Variants in SLC6A19 observed in about 807,000 individuals in gnomAD.
SLC6A19 encodes the protein solute carrier family 6 member 19.
A neutral mutation model predicts 68.3 loss-of-function variants in SLC6A19; 67 were observed. The observed-to-expected ratio is 0.98, with a 90% CI of 0.81 to 1.20. The LOEUF (loss-of-function observed/expected upper bound fraction) is 1.20. SLC6A19 is among the 50% of genes most tolerant of loss of function. The pLI, the probability that SLC6A19 is intolerant of heterozygous loss-of-function variation, is 0.00. For synonymous variants in SLC6A19, 392 were observed against 374.9 expected (o/e 1.05, Z -0.53); for missense variants, 813 against 851.6 (o/e 0.95, Z 0.56).
chr5:1,222,383 A>C lies in SLC6A19; in HGVS notation c.*479A>C. 2.2e-6 allele frequency: 1 copy of C among 462,912 alleles called. No individual in the cohort carries two copies. The highest frequency in any genetic ancestry group is 3.8e-6 in the Non-Finnish European group (1 of 264,976). The allele number at this position is 462,912 out of a possible 1,614,324, so 28.7% of individuals were successfully genotyped here. ...ATGTGCTCGTACAATGGGTGTCCACATGCACGTGTATATGTATATCTGTGA... is the reference window on the plus strand; with the variant it reads ...ATGTGCTCGTACAATGGGTGTCCACCTGCACGTGTATATGTATATCTGTGA... On this transcript the variant is annotated 3_prime_UTR_variant, in exon 12 of 12. Transcript: ENST00000304460.
chr5:1,207,576 C>T (rs1745891535), intron 1 of SLC6A19, among the ~76,000 whole-genome samples: 1 of 152,244 alleles, frequency 6.6e-6, no homozygotes, highest in Non-Finnish European at 1.5e-5. Context: ...AATCTCTTCT[C>T]CCGGTCCCAG....
intron 1 of SLC6A19, among the ~76,000 whole-genome samples, chr5:1,205,446 C>G (rs1376173220): frequency 6.6e-6 from 1 of 152,220 alleles, no homozygotes; most frequent in Non-Finnish European, 1.5e-5. Context: ...CACCCCCAGT[C>G]CTCTCTGTTC....
Position 1,212,612 on chromosome 5 carries a change from C to A in SLC6A19, c.663+128C>A. 4.1e-6 allele frequency: 5 copies of A among 1,216,910 alleles called. No individual in the cohort carries two copies. Among genetic ancestry groups the A allele is most frequent in the Non-Finnish European group, 4.7e-6 (4 of 859,408 alleles). The allele number at this position is 1,216,910 out of a possible 1,614,324, so 75.4% of individuals were successfully genotyped here. On this transcript the variant is annotated intron_variant, in intron 4 of 11. Coordinates refer to ENST00000304460, the MANE Select transcript of SLC6A19 (RefSeq NM_001003841.3). The surrounding 1 kb of genome is among the most constrained non-coding windows in gnomAD (Gnocchi z 5.1). ...GGCTCTGCCTTTCCCCAGACCCCAC[C>A]AAGAGAGCTGCCTTTGCCCTTAGGC...
At position 1,222,468 on chromosome 5, in the gene SLC6A19, A is replaced by G. The variant is rs979729754; in HGVS notation, c.*564A>G. On this transcript the variant is annotated 3_prime_UTR_variant, in exon 12 of 12. Transcript: ENST00000304460. The stretch of plus-strand genomic sequence containing the variant: ...GTTCTGTGTGTGCGTTTGCAAGTAT[A>G]TATGCACATGTGTATATGTACATGT... The G allele has an allele frequency of 4.1e-5, 18 of 434,778 alleles. No individual in the cohort carries two copies. Among genetic ancestry groups the G allele is most frequent in the Non-Finnish European group, 6.5e-5 (16 of 247,608 alleles). The allele number at this position is 434,778 out of a possible 1,614,324, so 26.9% of individuals were successfully genotyped here.
rs189695795 is a variant in SLC6A19, at chr5:1,206,935, G to A, written c.203-1811G>A. Among the ~76,000 whole-genome samples, 365 of 152,312 alleles carry A rather than the reference G, an allele frequency of 2.4e-3. 1 individual carries two copies. Among genetic ancestry groups the A allele is most frequent in the Admixed American group, 4.6e-3 (71 of 15,302 alleles). ...CAGCTGTGTTTGGAATTCTTGCGCC[G>A]TTGCAGCTGCTGACCTCGGTCCCAA... On this transcript the variant is annotated intron_variant, in intron 1 of 11. Coordinates refer to ENST00000304460, the MANE Select transcript of SLC6A19 (RefSeq NM_001003841.3).
chr5:1,224,562 T>C lies in SLC6A19; in HGVS notation c.*2658T>C, dbSNP rs1353362792. On this transcript the variant is annotated 3_prime_UTR_variant, in exon 12 of 12. Coordinates refer to ENST00000304460, the MANE Select transcript of SLC6A19 (RefSeq NM_001003841.3). ...CCTCACAATGGGGACCAACCAGCTC[T>C]TCTCATCTTCTTCCCTCACACTTCC... 6.6e-6 allele frequency: 1 copy of C among 152,382 alleles called. No homozygotes were observed. The highest frequency in any genetic ancestry group is 2.1e-4 in the South Asian group (1 of 4,830). 9.4% of individuals were successfully genotyped at this position (152,382 alleles called of 1,614,324 possible).
At chr5:1,203,528 G>A (rs1449059897) in intron 1 of SLC6A19, among the ~76,000 whole-genome samples, 2 of 152,288 alleles carry the variant, frequency 1.3e-5, no homozygotes, top group South Asian at 2.1e-4. Flanking sequence ...ACACCAGCAG[G>A]CCCTTCTCCC....
Position 1,213,978 on chromosome 5 carries a change from C to G in SLC6A19, c.800C>G (p.Thr267Ser). ...PNVTELAQPD[T>S]WLDAGAQVFF... ...GTCACGGAGCTGGCCCAGCCGGACA[C>G]CTGGCTGGACGCGGGCGCACAGGTC... The change falls in exon 6 of 12, where the codon ACC (threonine) becomes AGC (serine). Residue 267 changes from threonine to serine, a missense_variant. Thr to Ser is a moderately conservative substitution (Grantham distance 58). Coordinates refer to ENST00000304460, the MANE Select transcript of SLC6A19 (RefSeq NM_001003841.3). The G allele has an allele frequency of 6.2e-7, 1 of 1,613,506 alleles. No homozygotes were observed. Among genetic ancestry groups the G allele is most frequent in the Non-Finnish European group, 8.5e-7 (1 of 1,179,994 alleles).
At chr5:1,216,446 C>A in intron 6 of SLC6A19, 112 bp from the exon 7 acceptor site, 1 of 1,507,782 alleles carries the variant, frequency 6.6e-7, no homozygotes, top group African/African-American at 1.4e-5. Context: ...CTCAGTGGCT[C>A]AGCCTCTCAC....
Position 1,222,143 on chromosome 5 carries a change from G to A in SLC6A19, c.*239G>A. The A allele has an allele frequency of 3.3e-6, 2 of 603,772 alleles. No homozygotes were observed. Among genetic ancestry groups the A allele is most frequent in the Non-Finnish European group, 5.9e-6 (2 of 339,114 alleles). 37.4% of individuals were successfully genotyped at this position (603,772 alleles called of 1,614,324 possible). On this transcript the variant is annotated 3_prime_UTR_variant, in exon 12 of 12. Coordinates refer to ENST00000304460, the MANE Select transcript of SLC6A19 (RefSeq NM_001003841.3). ...TGCACACATATACATGTGTGTGGGT[G>A]TGTGTATTGTATGTGCATGTGCCAT...
Position 1,222,625 on chromosome 5 carries a change from G to T in SLC6A19, c.*721G>T. 3.6e-6 allele frequency: 1 copy of T among 276,152 alleles called. No individual in the cohort carries two copies. Among genetic ancestry groups the T allele is most frequent in the Admixed American group, 5.1e-5 (1 of 19,440 alleles). The allele number at this position is 276,152 out of a possible 1,614,324, so 17.1% of individuals were successfully genotyped here. A position where few individuals can be genotyped will look rare whatever the true frequency, so the allele number is the denominator to read the frequency against. ...CTCGTGTGTGTGCATATTCAGGCAGGTGTGCATTTGTGCATGCCAGTGTGT... is the reference window on the plus strand; with the variant it reads ...CTCGTGTGTGTGCATATTCAGGCAGTTGTGCATTTGTGCATGCCAGTGTGT... On this transcript the variant is annotated 3_prime_UTR_variant, in exon 12 of 12. Transcript: ENST00000304460.
Position 1,222,173 on chromosome 5 carries a change from G to A in SLC6A19, c.*269G>A. On this transcript the variant is annotated 3_prime_UTR_variant, in exon 12 of 12. Transcript: ENST00000304460. The stretch of plus-strand genomic sequence containing the variant: ...TATTGTATGTGCATGTGCCATGTGT[G>A]CAGATGTGTCATGTTGTGTGTGTGC... The A allele has an allele frequency of 1.7e-6, 1 of 597,100 alleles. No homozygotes were observed. The highest frequency in any genetic ancestry group is 3.0e-6 in the Non-Finnish European group (1 of 334,862). The allele number at this position is 597,100 out of a possible 1,614,324, so 37.0% of individuals were successfully genotyped here.
Position 1,212,550 on chromosome 5 carries a change from G to A in SLC6A19, c.663+66G>A. ...GCGGGTGCGGGCAGCCCTGCCTCCG[G>A]CCGGCTGCACTCTAAAACCCAGGTC... On this transcript the variant is annotated intron_variant, in intron 4 of 11. Transcript: ENST00000304460. This position sits in a 1 kb window ranked among gnomAD's most constrained non-coding sequence, Gnocchi z 5.1. 2 of 1,585,918 alleles carry A rather than the reference G, an allele frequency of 1.3e-6. No individual in the cohort carries two copies. Among genetic ancestry groups the A allele is most frequent in the South Asian group, 1.1e-5 (1 of 90,486 alleles).
chr5:1,203,460 A>G (rs1267376732), intron 1 of SLC6A19, among the ~76,000 whole-genome samples: 2 of 152,074 alleles, frequency 1.3e-5, no homozygotes, highest in East Asian at 3.9e-4. Context: ...CCAGGTGAGG[A>G]GGGCCGAGCA....
Position 1,222,613 on chromosome 5 carries a change from A to G in SLC6A19, c.*709A>G, listed in dbSNP as rs925158626. ...GTGTGATGTGTGCTCGTGTGTGTGC[A>G]TATTCAGGCAGGTGTGCATTTGTGC... On this transcript the variant is annotated 3_prime_UTR_variant, in exon 12 of 12. Coordinates refer to ENST00000304460, the MANE Select transcript of SLC6A19 (RefSeq NM_001003841.3). 5 of 297,806 alleles carry G rather than the reference A, an allele frequency of 1.7e-5. No individual in the cohort carries two copies. Among genetic ancestry groups the G allele is most frequent in the Non-Finnish European group, 3.1e-5 (5 of 159,816 alleles). 18.4% of individuals were successfully genotyped at this position (297,806 alleles called of 1,614,324 possible).
At chr5:1,213,117 C>T (rs1746092799) in intron 4 of SLC6A19, among the ~76,000 whole-genome samples, 1 of 138,190 alleles carries the variant, frequency 7.2e-6, no homozygotes, top group Non-Finnish European at 1.6e-5. Context: ...GCCCTGGGCC[C>T]CCTTCCCCAG....
chr5:1,207,772 C>A (rs958111180), intron 1 of SLC6A19, among the ~76,000 whole-genome samples: 1 of 152,342 alleles, frequency 6.6e-6, no homozygotes, highest in South Asian at 2.1e-4. Flanking sequence ...TGGCTGTCAG[C>A]GCCTGGACAG....
chr5:1,207,689 C>T (rs1394402606), intron 1 of SLC6A19, among the ~76,000 whole-genome samples: 4 of 152,220 alleles, frequency 2.6e-5, no homozygotes, highest in Non-Finnish European at 5.9e-5. Context: ...AACTTTCAAA[C>T]AAACAACTCT....
chr5:1,212,264 G>C lies in SLC6A19; in HGVS notation c.482-39G>C. 6 of 1,610,722 alleles carry C rather than the reference G, an allele frequency of 3.7e-6. No homozygotes were observed. The highest frequency in any genetic ancestry group is 5.1e-6 in the Non-Finnish European group (6 of 1,179,688). ...GGCCTTCCATTCTCCTCCCTTGGGG[G>C]ACCCGTACCCTGAGGTGTGTGAATG... On this transcript the variant is annotated intron_variant, in intron 3 of 11. Coordinates refer to ENST00000304460, the MANE Select transcript of SLC6A19 (RefSeq NM_001003841.3). The surrounding 1 kb of genome is among the most constrained non-coding windows in gnomAD (Gnocchi z 5.1).
Sources: gnomAD v4.1 joint callset for allele counts (sites outside exome capture counted in the v4.1 genomes callset) on GRCh38, gnomAD v4.1.1 for gene constraint, Gnocchi (gnomAD v3.1) non-coding constraint, MANE v1.5 for transcripts, NCBI Gene and HGNC (gene_info 2026-07-23, HGNC 2026-07-21) for gene names.